The following TBC1D22B variants were observed in gnomAD, a reference collection of about 807,000 sequenced individuals.
TBC1D22B encodes TBC1 domain family member 22B.
Under a neutral mutation model 69.1 loss-of-function variants are expected in TBC1D22B, and 32 were observed. The observed-to-expected ratio is 0.46, with a 90% CI of 0.35 to 0.62. The LOEUF (loss-of-function observed/expected upper bound fraction) is 0.62, where lower values mean the gene tolerates loss of function less well. Ranked by LOEUF, TBC1D22B falls within the 20% of genes least tolerant of loss-of-function variation. The pLI, the probability that TBC1D22B is intolerant of heterozygous loss-of-function variation, is 0.00. For synonymous variants in TBC1D22B, 206 were observed against 229.8 expected, an observed-to-expected ratio of 0.90 and a Z score of 0.94; for missense variants, 462 against 630.9, an observed-to-expected ratio of 0.73 and a Z score of 2.87.
At position 37,306,929 on chromosome 6, in the gene TBC1D22B, T is replaced by G. The variant is rs147340755; in HGVS notation, c.983-5989T>G. Reference sequence around the variant, plus strand: ...ACCACCTCCCAGTGGGTCTCTTCTCTGTGGGAATCTCGAAATAAGTCTTTC... The same window carrying G: ...ACCACCTCCCAGTGGGTCTCTTCTCGGTGGGAATCTCGAAATAAGTCTTTC... On this transcript the variant is annotated intron_variant, in intron 8 of 12. Coordinates refer to ENST00000373491, the MANE Select transcript of TBC1D22B (RefSeq NM_017772.4). Among the ~76,000 whole-genome samples, 406 of 152,322 alleles carry G rather than the reference T, an allele frequency of 2.7e-3. 2 individuals carry two copies. Among genetic ancestry groups the G allele is most frequent in the African/African-American group, 9.1e-3 (377 of 41,564 alleles).
At chr6:37,325,132 A>G (rs1344617115) in intron 12 of TBC1D22B, among the ~76,000 whole-genome samples, 1 of 151,746 alleles carries the variant, frequency 6.6e-6, no homozygotes, top group African/African-American at 2.4e-5. Flanking sequence ...CTTATTACCC[A>G]TTATCTTTAC....
At chr6:37,260,197 A>C (rs1766034605) in intron 1 of TBC1D22B, among the ~76,000 whole-genome samples, 2 of 152,214 alleles carry the variant, frequency 1.3e-5, no homozygotes, top group Admixed American at 6.5e-5. Flanking sequence ...TTTCTCAAGA[A>C]TAGAACTTTT....
intron 12 of TBC1D22B, among the ~76,000 whole-genome samples, chr6:37,328,731 CT>C (rs1406684647): frequency 6.6e-6 from 1 of 151,498 alleles, no homozygotes; most frequent in African/African-American, 2.4e-5. Flanking sequence ...TTTTTTTTTA[CT>C]TTTTAGTAAA....
At chr6:37,287,555 T>C (rs144575813) in intron 7 of TBC1D22B, among the ~76,000 whole-genome samples, 14 of 152,340 alleles carry the variant, frequency 9.2e-5, no homozygotes, top group Non-Finnish European at 1.3e-4. Flanking sequence ...TTAACTCTCT[T>C]CTGCAGCCTC....
chr6:37,269,774 A>G (rs17572320), intron 2 of TBC1D22B, 124 bp downstream of exon 2: 162,199 of 823,552 alleles, frequency 0.2, 17,238 homozygotes, highest in Non-Finnish European at 0.22. Context: ...ATTTTGGACC[A>G]GGAGATGAGC....
rs758530120 is a variant in TBC1D22B at position 37,312,942 on chromosome 6, T to C, written c.1007T>C (p.Val336Ala). 6.2e-7 allele frequency: 1 copy of C among 1,614,196 alleles called. No individual in the cohort carries two copies. Among genetic ancestry groups the C allele is most frequent in the South Asian group, 1.1e-5 (1 of 91,090 alleles). Residue 336 changes from valine (V) to alanine (A), a missense_variant, in exon 9 of 13, where the codon GTG becomes GCG. Transcript: ENST00000373491. ...YVEEDVENFDVTNLSQDMLRS... is the reference protein window; with the variant it reads ...YVEEDVENFDATNLSQDMLRS... ...GAAGAGGATGTGGAGAACTTTGACG[T>C]GACCAACTTGTCTCAAGACATGCTG...
At chr6:37,309,636 C>G (rs1168287588) in intron 8 of TBC1D22B, among the ~76,000 whole-genome samples, 1 of 152,110 alleles carries the variant, frequency 6.6e-6, no homozygotes, top group Non-Finnish European at 1.5e-5. Context: ...AAGGGCTCTC[C>G]TCCCTTGTGC....
chr6:37,260,496 C>A (rs532914186), intron 1 of TBC1D22B, among the ~76,000 whole-genome samples: 39 of 152,172 alleles, frequency 2.6e-4, no homozygotes, highest in African/African-American at 9.2e-4. Flanking sequence ...ATTCACATAC[C>A]ATAAAATTCA....
chr6:37,268,113 G>C (rs1252837351), intron 1 of TBC1D22B, among the ~76,000 whole-genome samples: 1 of 152,152 alleles, frequency 6.6e-6, no homozygotes, highest in Non-Finnish European at 1.5e-5. Context: ...TCAGACAGGT[G>C]TTAAGGAACA....
intron 12 of TBC1D22B, among the ~76,000 whole-genome samples, chr6:37,329,901 C>G (rs766306818): frequency 6.6e-6 from 1 of 152,238 alleles, no homozygotes; most frequent in Non-Finnish European, 1.5e-5. Context: ...ATTGGCCACA[C>G]ATAGCAGTGA....
intron 12 of TBC1D22B, among the ~76,000 whole-genome samples, chr6:37,321,991 C>T (rs960362116): frequency 1.3e-5 from 2 of 152,188 alleles, no homozygotes; most frequent in African/African-American, 4.8e-5. Context: ...ATGGTGGAGA[C>T]AATGTAAGAG....
At chr6:37,323,495 G>C (rs1235529742) in intron 12 of TBC1D22B, among the ~76,000 whole-genome samples, 1 of 152,226 alleles carries the variant, frequency 6.6e-6, no homozygotes, top group East Asian at 1.9e-4. Flanking sequence ...GGACAACAGA[G>C]TGAGTCTCAA....
chr6:37,257,862 G>C lies in TBC1D22B; in HGVS notation c.-56G>C. 2 of 1,585,876 alleles carry C rather than the reference G, an allele frequency of 1.3e-6. No homozygotes were observed. Among genetic ancestry groups the C allele is most frequent in the Non-Finnish European group, 1.7e-6 (2 of 1,164,140 alleles). ...GGCCCTCAGATTGCGGGGTCTGGGG[G>C]CATCTCGCCGGGCAAACCCTTGGCC... On this transcript the variant is annotated 5_prime_UTR_variant, in exon 1 of 13. Coordinates refer to ENST00000373491, the MANE Select transcript of TBC1D22B (RefSeq NM_017772.4).
At chr6:37,271,713 AT>A (rs1766488185) in intron 2 of TBC1D22B, among the ~76,000 whole-genome samples, 2 of 152,256 alleles carry the variant, frequency 1.3e-5, no homozygotes, top group Non-Finnish European at 2.9e-5. Context: ...CATTTAAAAA[AT>A]AACTTAGCTG....
At chr6:37,275,357 G>C (rs559825143) in intron 2 of TBC1D22B, among the ~76,000 whole-genome samples, 1 of 152,166 alleles carries the variant, frequency 6.6e-6, no homozygotes, top group East Asian at 1.9e-4. Context: ...TTCCTACAGG[G>C]TGTGAGAGTT....
rs578082023 is a variant in TBC1D22B at position 37,273,656 on chromosome 6, C to T, written c.113+4006C>T. 3.3e-5 allele frequency among the ~76,000 whole-genome samples: 5 copies of T among 152,290 alleles called. No homozygotes were observed. The East Asian group carries it at 7.7e-4, about 23-fold the overall frequency. On this transcript the variant is annotated intron_variant, in intron 2 of 12. Transcript: ENST00000373491. The stretch of plus-strand genomic sequence containing the variant: ...CAATAGGAGTAATTACTTAGCTTTA[C>T]AGTTTGGGAGGAGTTTAGTTGTCAC...
At chr6:37,296,101 A>G (rs1346624992) in intron 8 of TBC1D22B, among the ~76,000 whole-genome samples, 3 of 152,090 alleles carry the variant, frequency 2.0e-5, no homozygotes, top group Admixed American at 6.6e-5. Context: ...ACAATAAAAT[A>G]TTATTTACTA....
intron 12 of TBC1D22B, among the ~76,000 whole-genome samples, chr6:37,322,767 A>G (rs904822070): frequency 2.0e-5 from 3 of 152,172 alleles, no homozygotes; most frequent in African/African-American, 7.2e-5. Context: ...GTGATGAGGA[A>G]AGGCGTGACA....
intron 12 of TBC1D22B, among the ~76,000 whole-genome samples, chr6:37,329,703 GTTAGGGACTC>G (rs1352799411): frequency 2.0e-5 from 3 of 152,318 alleles, no homozygotes; most frequent in East Asian, 3.9e-4. Flanking sequence ...GTTTTGGAGT[GTTAGGGACTC>G]TGATTTGTCT....
Sources: allele counts gnomAD v4.1 joint callset (sites outside exome capture counted in the v4.1 genomes callset), GRCh38; gene constraint gnomAD v4.1.1; transcripts MANE v1.5; gene names NCBI Gene and HGNC (gene_info 2026-07-23, HGNC 2026-07-21).